SLC25A32: variants seen among roughly 807,000 people sequenced by gnomAD.
SLC25A32 encodes the protein solute carrier family 25 member 32, also known as Glycine auxotroph B, complementation of hamster.
In SLC25A32, 32 loss-of-function variants were observed where a neutral mutation model predicts 39.0. The observed-to-expected ratio is 0.82, with a 90% CI of 0.62 to 1.10. SLC25A32 has a LOEUF of 1.10. Among genes scored for constraint, SLC25A32 ranks in the 50% least tolerant of loss-of-function variants. SLC25A32 has a pLI of 0.00. For synonymous variants in SLC25A32, 166 were observed against 152.4 expected, an observed-to-expected ratio of 1.09 and a Z score of -0.66; for missense variants, 367 against 395.3, an observed-to-expected ratio of 0.93 and a Z score of 0.61.
chr8:103,406,800 T>G (rs1307371120), intron 2 of SLC25A32, among the ~76,000 whole-genome samples: 1 of 152,248 alleles, frequency 6.6e-6, no homozygotes, highest in Non-Finnish European at 1.5e-5. Flanking sequence ...AACAAATGTA[T>G]TTTTGTAAGC....
chr8:103,401,441 C>T (rs1357337635), intron 6 of SLC25A32, 75 bp downstream of exon 6: 6 of 1,386,282 alleles, frequency 4.3e-6, no homozygotes, highest in South Asian at 1.5e-5. Context: ...TGCTATAAAA[C>T]TAGTATCAAC....
intron 2 of SLC25A32, among the ~76,000 whole-genome samples, chr8:103,406,976 G>GA (rs1157764508): frequency 6.6e-6 from 1 of 152,188 alleles, no homozygotes; most frequent in Non-Finnish European, 1.5e-5. Context: ...GAATACCAAA[G>GA]AGAGCTGAAA....
rs149273860 is a variant in SLC25A32 at position 103,414,810 on chromosome 8, A to G, written c.128T>C (p.Leu43Pro). 1 of 1,613,778 alleles carries G rather than the reference A, an allele frequency of 6.2e-7. No individual in the cohort carries two copies. The highest frequency in any genetic ancestry group is 8.5e-7 in the Non-Finnish European group (1 of 1,180,032). ...GVLSNLALHP[L>P]DLVKIRFAVS... Reference sequence around the variant, plus strand: ...GGCGAAGCGGATCTTCACGAGGTCGAGCGGATGCAGCGCAAGGTTGGATAA... The same window carrying G: ...GGCGAAGCGGATCTTCACGAGGTCGGGCGGATGCAGCGCAAGGTTGGATAA... The change falls in exon 1 of 7, where the codon CTC (leucine) becomes CCC (proline). Residue 43 changes from leucine to proline, a missense_variant. Coordinates refer to ENST00000297578, the MANE Select transcript of SLC25A32 (RefSeq NM_030780.5).
chr8:103,414,705 C>T (rs774063632), intron 1 of SLC25A32, 79 bp downstream of exon 1: 1 of 1,587,358 alleles, frequency 6.3e-7, no homozygotes, highest in Admixed American at 1.7e-5. Flanking sequence ...CCTCCTCCCC[C>T]TAGAACGGAA....
chr8:103,413,627 C>G (rs1459337710), intron 1 of SLC25A32, among the ~76,000 whole-genome samples: 2 of 152,202 alleles, frequency 1.3e-5, no homozygotes, highest in African/African-American at 4.8e-5. Context: ...GATTACTTGT[C>G]AATAACATAA....
At chr8:103,412,197 C>T (rs1342387079) in intron 1 of SLC25A32, among the ~76,000 whole-genome samples, 6 of 152,312 alleles carry the variant, frequency 3.9e-5, no homozygotes, top group South Asian at 2.1e-4. Flanking sequence ...CTGGGTCTTG[C>T]GATACCACAT....
intron 6 of SLC25A32, among the ~76,000 whole-genome samples, 182 bp downstream of exon 6, chr8:103,401,334 A>G (rs1171748791): frequency 6.6e-6 from 1 of 152,266 alleles, no homozygotes; most frequent in Non-Finnish European, 1.5e-5. Flanking sequence ...ACAAATGAAG[A>G]AATTAAGTCT....
chr8:103,411,447 A>AC (rs747084160), intron 1 of SLC25A32, among the ~76,000 whole-genome samples: 47 of 151,526 alleles, frequency 3.1e-4, no homozygotes, highest in Admixed American at 5.3e-4. Flanking sequence ...GGACTCTCTC[A>AC]CCCCTGCTGC....
rs746005949 is a variant in SLC25A32 at position 103,407,631 on chromosome 8, C to T, written c.305+3G>A. 6.5e-7 allele frequency: 1 copy of T among 1,541,670 alleles called. No individual in the cohort carries two copies. The highest frequency in any genetic ancestry group is 2.3e-5 in the East Asian group (1 of 42,962). On this transcript the variant is annotated splice_donor_region_variant and intron_variant, in intron 2 of 6. Transcript: ENST00000297578. Reference sequence around the variant, plus strand: ...TACTGTAAAATCTCCCAAATCTACTCACAAGAAAAAGTAGAGTCCCCAGGA... The same window carrying T: ...TACTGTAAAATCTCCCAAATCTACTTACAAGAAAAAGTAGAGTCCCCAGGA...
At chr8:103,407,566 T>G in intron 2 of SLC25A32, 68 bp downstream of exon 2, 1 of 1,255,004 alleles carries the variant, frequency 8.0e-7, no homozygotes, top group Middle Eastern at 2.0e-4. Context: ...TACATTTACA[T>G]GTAAAAATCA....
intron 6 of SLC25A32, 45 bp downstream of exon 6, chr8:103,401,471 A>C: frequency 6.3e-7 from 1 of 1,578,820 alleles, no homozygotes; most frequent in Non-Finnish European, 8.6e-7. Context: ...TAAGATATGC[A>C]AGGTACCTTG....
chr8:103,401,708 T>C, intron 5 of SLC25A32, 47 bp from the exon 6 acceptor site: 1 of 1,482,880 alleles, frequency 6.7e-7, no homozygotes, highest in Non-Finnish European at 9.1e-7. Context: ...AGGATTTCTT[T>C]AAAAATACAG....
chr8:103,414,732 A>T, intron 1 of SLC25A32, 52 bp downstream of exon 1: 1 of 1,609,386 alleles, frequency 6.2e-7, no homozygotes, highest in South Asian at 1.1e-5. Context: ...GAGGAGATCC[A>T]GTTCGGGCTG....
rs760473256 is a variant in SLC25A32 at position 103,404,836 on chromosome 8, T to C, written c.331A>G (p.Thr111Ala). The change falls in exon 3 of 7, where the codon ACA becomes GCA. Residue 111 changes from threonine to alanine, a missense_variant. By Grantham distance (58) the Thr-to-Ala change is moderately conservative. Transcript: ENST00000297578. ...TCTAAACGTTCAGCTCTTCCTTCTG[T>C]TTTATATGACTTGATGGCATTGTAA... is the stretch of plus-strand genomic sequence containing the variant. ...FFYNAIKSYKTEGRAERLEAT... is the reference protein window; with the variant it reads ...FFYNAIKSYKAEGRAERLEAT... 22 of 1,612,624 alleles carry C rather than the reference T, an allele frequency of 1.4e-5. No individual in the cohort carries two copies. In the South Asian group the frequency reaches 2.3e-4, roughly 17 times the overall value.
Position 103,414,918 on chromosome 8 carries a change from G to A in SLC25A32, c.20C>T (p.Ser7Leu), listed in dbSNP as rs1383818588. ...GCTCCACGCCGACGACCCGGACGCCGACTGGCCCTGGCCCGTCATAGGCTC... is the reference window on the plus strand; with the variant it reads ...GCTCCACGCCGACGACCCGGACGCCAACTGGCCCTGGCCCGTCATAGGCTC... Reference protein sequence around the residue: MTGQGQSASGSSAWSTV... With the variant: MTGQGQLASGSSAWSTV... The change falls in exon 1 of 7, where the codon TCG becomes TTG. Residue 7 changes from serine to leucine, a missense_variant. Ser to Leu is a moderately radical substitution (Grantham distance 145). Coordinates refer to ENST00000297578, the MANE Select transcript of SLC25A32 (RefSeq NM_030780.5). The A allele has an allele frequency of 1.9e-6, 3 of 1,608,310 alleles. No homozygotes were observed. The highest frequency in any genetic ancestry group is 3.4e-5 in the Admixed American group (2 of 59,226).
chr8:103,405,910 C>A (rs1411814132), intron 2 of SLC25A32, among the ~76,000 whole-genome samples: 1 of 152,028 alleles, frequency 6.6e-6, no homozygotes, highest in Non-Finnish European at 1.5e-5. Flanking sequence ...CTCATGTGAT[C>A]CTCCCACCTT....
chr8:103,403,313 G>C lies in SLC25A32; in HGVS notation c.403C>G (p.Leu135Val), dbSNP rs777000775. 2.4e-5 allele frequency: 39 copies of C among 1,607,084 alleles called. No homozygotes were observed. The highest frequency in any genetic ancestry group is 2.9e-5 in the Non-Finnish European group (34 of 1,176,794). Residue 135 changes from leucine to valine, a missense_variant, in exon 4 of 7, where the codon CTC becomes GTC. Coordinates refer to ENST00000297578, the MANE Select transcript of SLC25A32 (RefSeq NM_030780.5). ...VSAAEAGAMTLCITNPLWVTK... is the reference protein window; with the variant it reads ...VSAAEAGAMTVCITNPLWVTK... ...ACCCATAATGGGTTTGTAATGCAGA[G>C]GGTCATGGCTCCTAAAATGAGATTT...
chr8:103,404,678 C>A, intron 3 of SLC25A32, 98 bp downstream of exon 3: 1 of 692,944 alleles, frequency 1.4e-6, no homozygotes, highest in South Asian at 1.8e-5. Context: ...GTTAGATGGG[C>A]ATATTTAAAC....
intron 2 of SLC25A32, among the ~76,000 whole-genome samples, chr8:103,406,065 G>GTGTATATATATATATATA (rs372284581): frequency 1.4e-5 from 2 of 144,164 alleles, no homozygotes; most frequent in Admixed American, 6.9e-5. Context: ...GTGTGTGTGT[G>GTGTATATATATATATATA]TATATATATA....
Sources: allele counts gnomAD v4.1 joint callset (sites outside exome capture counted in the v4.1 genomes callset), GRCh38; gene constraint gnomAD v4.1.1; transcripts MANE v1.5; gene names NCBI Gene and HGNC (gene_info 2026-07-23, HGNC 2026-07-21).